The following MAS1 variants were observed in gnomAD, a reference collection of about 807,000 sequenced individuals.
MAS1 encodes proto-oncogene Mas.
For synonymous variants in MAS1, 163 were observed against 164.2 expected, an observed-to-expected ratio of 0.99 and a Z score of 0.05; for missense variants, 387 against 409.7, an observed-to-expected ratio of 0.94 and a Z score of 0.48.
intron 2 of MAS1, chr6:159,906,710 A>G (rs907011561): frequency 4.6e-6 from 2 of 434,220 alleles, no homozygotes; most frequent in Admixed American, 8.1e-5. Flanking sequence ...GGGTCATTCA[A>G]TCAGTTCTCA....
At chr6:159,900,025 G>T (rs143617259) in intron 2 of MAS1, among the ~76,000 whole-genome samples, 1 of 152,234 alleles carries the variant, frequency 6.6e-6, no homozygotes, top group African/African-American at 2.4e-5. Flanking sequence ...CAGCCTGGGC[G>T]ATAGAATGAG....
intron 1 of MAS1, among the ~76,000 whole-genome samples, chr6:159,896,060 G>A (rs564982729): frequency 5.9e-5 from 9 of 152,382 alleles, no homozygotes; most frequent in African/African-American, 1.7e-4. Context: ...TGTAATCCCA[G>A]CACTGCGGGA....
In MAS1 at chr6:159,902,192, T is replaced by A. The variant is rs1347336655; in HGVS notation, c.-37+2800T>A. 8 of 152,228 alleles carry A rather than the reference T, an allele frequency of 5.3e-5. 2 individuals are homozygous for A. Among genetic ancestry groups the A allele is most frequent in the Admixed American group, 5.2e-4 (8 of 15,288 alleles). The allele number at this position is 152,228 out of a possible 1,614,324, so 9.4% of individuals were successfully genotyped here. A position where few individuals can be genotyped will look rare whatever the true frequency, so the allele number is the denominator to read the frequency against. On this transcript the variant is annotated intron_variant, in intron 2 of 2. Coordinates refer to ENST00000674077, the MANE Select transcript of MAS1 (RefSeq NM_002377.4). ...GCATGGACCAGAGGCAGAAAGAGGA[T>A]CTTGTCAGTAACCTCAAAAACTCGG...
chr6:159,896,666 G>T (rs1782756828), intron 1 of MAS1, among the ~76,000 whole-genome samples: 1 of 152,144 alleles, frequency 6.6e-6, no homozygotes, highest in South Asian at 2.1e-4. Context: ...GATTAAAGAG[G>T]CTATAAAATG....
In MAS1 at chr6:159,907,990, T is replaced by C; in HGVS notation, c.*57T>C. The stretch of plus-strand genomic sequence containing the variant: ...TGGAACACAGGTCATTTTTAGTTTG[T>C]GCTTGGAATATGACTTAAGTATCTC... On this transcript the variant is annotated 3_prime_UTR_variant, in exon 3 of 3. Transcript: ENST00000674077. 1 of 1,525,084 alleles carries C rather than the reference T, an allele frequency of 6.6e-7. No individual in the cohort carries two copies. Among genetic ancestry groups the C allele is most frequent in the African/African-American group, 1.4e-5 (1 of 71,764 alleles). 94.5% of individuals were successfully genotyped at this position (1,525,084 alleles called of 1,614,324 possible). A position where few individuals can be genotyped will look rare whatever the true frequency, so the allele number is the denominator to read the frequency against.
chr6:159,899,697 C>A (rs1009919388), intron 2 of MAS1, among the ~76,000 whole-genome samples: 1 of 152,114 alleles, frequency 6.6e-6, no homozygotes, highest in Non-Finnish European at 1.5e-5. Flanking sequence ...TATGACTGCA[C>A]CACTGCACTC....
At chr6:159,903,858 A>G (rs1285449664) in intron 2 of MAS1, among the ~76,000 whole-genome samples, 1 of 152,106 alleles carries the variant, frequency 6.6e-6, no homozygotes, top group Non-Finnish European at 1.5e-5. Flanking sequence ...GTCTACACTC[A>G]CTGTCTTCAC....
Position 159,907,222 on chromosome 6 carries a change from C to T in MAS1, c.267C>T (p.Ile89=), listed in dbSNP as rs745741176. 7.4e-6 allele frequency: 12 copies of T among 1,614,096 alleles called. No homozygotes were observed. Among genetic ancestry groups the T allele is most frequent in the African/African-American group, 4.0e-5 (3 of 74,918 alleles). Residue 89 remains isoleucine (I), a synonymous_variant, in exon 3 of 3, where the codon ATC becomes ATT. Transcript: ENST00000674077. The part of the protein sequence containing the change: ...SLLFCIFILS[I]DYALDYELSS... ...TCTTCTGTATTTTCATCTTGTCTAT[C>T]GACTATGCTTTAGATTATGAGCTTT...
chr6:159,907,174 G>A lies in MAS1; in HGVS notation c.219G>A (p.Leu73=). 2 of 1,614,186 alleles carry A rather than the reference G, an allele frequency of 1.2e-6. No individual in the cohort carries two copies. The highest frequency in any genetic ancestry group is 1.6e-4 in the Middle Eastern group (1 of 6,062). The part of the protein sequence containing the change: ...RNPFTVYITH[L]SIADISLLFC... Reference sequence around the variant, plus strand: ...CCTTCACTGTCTACATCACCCACCTGTCTATCGCAGACATCTCACTGCTCT... The same window carrying A: ...CCTTCACTGTCTACATCACCCACCTATCTATCGCAGACATCTCACTGCTCT... Residue 73 remains leucine (L), a synonymous_variant, in exon 3 of 3, where the codon CTG becomes CTA. Coordinates refer to ENST00000674077, the MANE Select transcript of MAS1 (RefSeq NM_002377.4).
In MAS1 at chr6:159,908,170, C is replaced by T. The variant is rs1177429933; in HGVS notation, c.*237C>T. The T allele has an allele frequency of 2.6e-6, 1 of 391,496 alleles. No homozygotes were observed. The highest frequency in any genetic ancestry group is 4.3e-5 in the Admixed American group (1 of 23,140). The allele number at this position is 391,496 out of a possible 1,614,324, so 24.3% of individuals were successfully genotyped here. A position where few individuals can be genotyped will look rare whatever the true frequency, so the allele number is the denominator to read the frequency against. ...TTCAGCTCTTTTGGCAGCATCTTAC[C>T]ATGAACCATAAAAATGACTTTTGCA... On this transcript the variant is annotated 3_prime_UTR_variant, in exon 3 of 3. Transcript: ENST00000674077.
Position 159,899,383 on chromosome 6 carries a change from T to C in MAS1, c.-46T>C, listed in dbSNP as rs1203635195. On this transcript the variant is annotated 5_prime_UTR_variant, in exon 2 of 3. Coordinates refer to ENST00000674077, the MANE Select transcript of MAS1 (RefSeq NM_002377.4). ...TGAGCTATCCCTCCACCCCAGGCTG[T>C]CACTGCCAGGTAAACATGCATCCCT... is the stretch of plus-strand genomic sequence containing the variant. The C allele has an allele frequency of 2.0e-5, 3 of 152,302 alleles. No individual in the cohort carries two copies. The highest frequency in any genetic ancestry group is 4.4e-5 in the Non-Finnish European group (3 of 68,096). The allele number at this position is 152,302 out of a possible 1,614,324, so 9.4% of individuals were successfully genotyped here. A position where few individuals can be genotyped will look rare whatever the true frequency, so the allele number is the denominator to read the frequency against.
At chr6:159,894,329 G>A (rs1274126898) in intron 1 of MAS1, among the ~76,000 whole-genome samples, 1 of 149,958 alleles carries the variant, frequency 6.7e-6, no homozygotes, top group East Asian at 2.0e-4. Flanking sequence ...TGAGGCAGGA[G>A]AATCACTTGA....
In MAS1 at chr6:159,908,940, G is replaced by A. The variant is rs1233325949; in HGVS notation, c.*1007G>A. The A allele has an allele frequency of 2.0e-5, 3 of 151,704 alleles. No individual in the cohort carries two copies. Among genetic ancestry groups the A allele is most frequent in the Admixed American group, 1.3e-4 (2 of 15,250 alleles). The allele number at this position is 151,704 out of a possible 1,614,324, so 9.4% of individuals were successfully genotyped here. A position where few individuals can be genotyped will look rare whatever the true frequency, so the allele number is the denominator to read the frequency against. On this transcript the variant is annotated 3_prime_UTR_variant, in exon 3 of 3. Coordinates refer to ENST00000674077, the MANE Select transcript of MAS1 (RefSeq NM_002377.4). ...AGAGTTCTCACCTGCAGCCAAGTGC[G>A]GGTCTCTGCACCTGTCTGCCTCCTC...
Position 159,914,669 on chromosome 6 carries a change from C to CGAAGGGACTGATCAGTGGGG in MAS1, c.*6736_*6737insGAAGGGACTGATCAGTGGGG, listed in dbSNP as rs1263900395. The stretch of plus-strand genomic sequence containing the variant: ...GCCAGTCCCTTCACCATGGTGTCCC[C>CGAAGGGACTGATCAGTGGGG]ACTGATCAGAGCTCAGAGTGCACCA... On this transcript the variant is annotated 3_prime_UTR_variant, in exon 3 of 3. Transcript: ENST00000674077. 1 of 152,358 alleles carries CGAAGGGACTGATCAGTGGGG rather than the reference C, an allele frequency of 6.6e-6. No homozygotes were observed. Among genetic ancestry groups the CGAAGGGACTGATCAGTGGGG allele is most frequent in the Non-Finnish European group, 1.5e-5 (1 of 68,170 alleles). The allele number at this position is 152,358 out of a possible 1,614,324, so 9.4% of individuals were successfully genotyped here.
At chr6:159,890,479 G>C (rs1432316944), upstream of MAS1, among the ~76,000 whole-genome samples, 3 of 152,116 alleles carry the variant, frequency 2.0e-5, no homozygotes, top group Non-Finnish European at 2.9e-5. Flanking sequence ...AGCATCCTAC[G>C]GGTCTTATAT....
intron 1 of MAS1, among the ~76,000 whole-genome samples, chr6:159,898,393 C>T (rs1782777505): frequency 6.6e-6 from 1 of 152,148 alleles, no homozygotes; most frequent in Admixed American, 6.5e-5. Context: ...CAGGGCTTCT[C>T]AAACTGGTTG....
chr6:159,907,497 G>A lies in MAS1; in HGVS notation c.542G>A (p.Arg181Gln), dbSNP rs755717219. The A allele has an allele frequency of 2.4e-5, 39 of 1,613,774 alleles. No homozygotes were observed. Among genetic ancestry groups the A allele is most frequent in the East Asian group, 4.5e-5 (2 of 44,870 alleles). The change falls in exon 3 of 3, where the codon CGG (arginine) becomes CAG (glutamine). Residue 181 changes from arginine to glutamine, a missense_variant. Physicochemically the swap from Arg to Gln is conservative, Grantham distance 43 (BLOSUM62 1). Coordinates refer to ENST00000674077, the MANE Select transcript of MAS1 (RefSeq NM_002377.4). ...GACAGAGAAGAAGAGAGTCACTCTC[G>A]GAATGACTGCCGAGCAGTCATCATC... ...CIDREEESHSRNDCRAVIIFI... is the reference protein window; with the variant it reads ...CIDREEESHSQNDCRAVIIFI...
intron 2 of MAS1, among the ~76,000 whole-genome samples, chr6:159,903,149 G>T (rs145811371): frequency 6.6e-6 from 1 of 151,974 alleles, no homozygotes; most frequent in Non-Finnish European, 1.5e-5. Context: ...CCCTGACACC[G>T]CTGGGACCTC....
intron 1 of MAS1, among the ~76,000 whole-genome samples, chr6:159,896,950 T>C (rs1782760606): frequency 6.6e-6 from 1 of 152,170 alleles, no homozygotes; most frequent in Non-Finnish European, 1.5e-5. Context: ...CTTGGCTCAC[T>C]GCAAGCTCCG....
Sources: allele counts gnomAD v4.1 joint callset (sites outside exome capture counted in the v4.1 genomes callset), GRCh38; gene constraint gnomAD v4.1.1; transcripts MANE v1.5; gene names NCBI Gene and HGNC (gene_info 2026-07-23, HGNC 2026-07-21).